The following PTPRG variants were observed in gnomAD, a reference collection of about 807,000 sequenced individuals.
PTPRG encodes receptor-type tyrosine-protein phosphatase gamma.
PTPRG carries 102 observed loss-of-function variants against 165.3 expected under a neutral mutation model. The ratio of observed to expected loss-of-function variants is 0.62; its 90% CI spans 0.53 to 0.73. PTPRG has a LOEUF of 0.73. Among genes scored for constraint, PTPRG ranks in the 30% least tolerant of loss-of-function variants. The pLI is 0.00. For synonymous variants in PTPRG, 675 were observed against 669.5 expected (o/e 1.01, Z -0.13); for missense variants, 1,866 against 1,861.4 (o/e 1.00, Z -0.05).
In PTPRG at chr3:61,885,779, A is replaced by C. The variant is rs550530234; in HGVS notation, c.191-103846A>C. Reference sequence around the variant, plus strand: ...GCTCTCTAGGGACTTGAACTCCTGGACTCAAGTGCAGTTCCCGCCTCAGCT... The same window carrying C: ...GCTCTCTAGGGACTTGAACTCCTGGCCTCAAGTGCAGTTCCCGCCTCAGCT... On this transcript the variant is annotated intron_variant, in intron 2 of 29. Coordinates refer to ENST00000474889, the MANE Select transcript of PTPRG (RefSeq NM_002841.4). Among the ~76,000 whole-genome samples, 108 of 137,912 alleles carry C rather than the reference A, an allele frequency of 7.8e-4. 1 individual carries two copies. The highest frequency in any genetic ancestry group is 2.9e-3 in the African/African-American group (104 of 36,482). The allele number at this position is 137,912 out of a possible 152,430, so 90.5% of individuals were successfully genotyped here.
intron 4 of PTPRG, among the ~76,000 whole-genome samples, chr3:62,021,204 A>C (rs2041681420): frequency 6.6e-6 from 1 of 152,170 alleles, no homozygotes; most frequent in Non-Finnish European, 1.5e-5. Flanking sequence ...GTGATTGATA[A>C]ATTTTTGCTT....
At position 61,562,006 on chromosome 3, in the gene PTPRG, C is replaced by T. The variant is rs1234017497; in HGVS notation, c.-282C>T. On this transcript the variant is annotated 5_prime_UTR_variant, in exon 1 of 30. Transcript: ENST00000474889. Reference sequence around the variant, plus strand: ...CGCCGCCGGCCGCCGACTCCGCGCCCTGCCCGATCGGCTCTCTCCTTTTTA... The same window carrying T: ...CGCCGCCGGCCGCCGACTCCGCGCCTTGCCCGATCGGCTCTCTCCTTTTTA... 1 of 306,174 alleles carries T rather than the reference C, an allele frequency of 3.3e-6. No individual in the cohort carries two copies. Among genetic ancestry groups the T allele is most frequent in the Non-Finnish European group, 6.0e-6 (1 of 167,616 alleles). The allele number at this position is 306,174 out of a possible 1,614,324, so 19.0% of individuals were successfully genotyped here. A position where few individuals can be genotyped will look rare whatever the true frequency, so the allele number is the denominator to read the frequency against.
At chr3:61,629,397 G>A (rs552606776) in intron 1 of PTPRG, among the ~76,000 whole-genome samples, 3 of 152,024 alleles carry the variant, frequency 2.0e-5, no homozygotes, top group Admixed American at 6.6e-5. Context: ...CTTGTGATCC[G>A]CCTGCCTTGG....
intron 12 of PTPRG, among the ~76,000 whole-genome samples, chr3:62,204,828 T>A (rs1700187496): frequency 6.6e-6 from 1 of 152,204 alleles, no homozygotes; most frequent in Non-Finnish European, 1.5e-5. Flanking sequence ...TTTGTTGCTC[T>A]ATCATATGCT....
In PTPRG at chr3:62,003,506, A is replaced by T; in HGVS notation, c.519+9A>T. Reference sequence around the variant, plus strand: ...GGAGGTTTCCTGTTGAGGTGAGAGAAAGTCAAGATCTCAACGTGTAGCTGT... The same window carrying T: ...GGAGGTTTCCTGTTGAGGTGAGAGATAGTCAAGATCTCAACGTGTAGCTGT... On this transcript the variant is annotated intron_variant, in intron 4 of 29. Coordinates refer to ENST00000474889, the MANE Select transcript of PTPRG (RefSeq NM_002841.4). The T allele has an allele frequency of 6.2e-7, 1 of 1,613,498 alleles. No homozygotes were observed. Among genetic ancestry groups the T allele is most frequent in the Non-Finnish European group, 8.5e-7 (1 of 1,179,740 alleles).
chr3:61,748,503 T>G (rs1428867081), intron 1 of PTPRG, among the ~76,000 whole-genome samples: 1 of 152,208 alleles, frequency 6.6e-6, no homozygotes, highest in African/African-American at 2.4e-5. Context: ...TGTATGACCT[T>G]GGTCAAGTTA....
chr3:61,920,470 A>G (rs2039051437), intron 2 of PTPRG, among the ~76,000 whole-genome samples: 1 of 152,156 alleles, frequency 6.6e-6, no homozygotes, highest in Non-Finnish European at 1.5e-5. Flanking sequence ...ATCTCGGCTC[A>G]CTGCAAACTC....
intron 2 of PTPRG, among the ~76,000 whole-genome samples, chr3:61,780,786 T>G (rs1376479306): frequency 6.6e-6 from 1 of 152,246 alleles, no homozygotes; most frequent in Non-Finnish European, 1.5e-5. Flanking sequence ...AACTTAATTC[T>G]TAGGCACTCC....
chr3:62,231,170 C>T, intron 13 of PTPRG, 55 bp from the exon 14 acceptor site: 2 of 1,337,480 alleles, frequency 1.5e-6, no homozygotes, highest in Non-Finnish European at 2.0e-6. Context: ...CTCTTGGTGG[C>T]CAATTGAAAA....
chr3:61,588,328 T>C (rs1280807086), intron 1 of PTPRG, among the ~76,000 whole-genome samples: 24 of 152,130 alleles, frequency 1.6e-4, no homozygotes, highest in Non-Finnish European at 8.8e-5. Flanking sequence ...TGTACTCTTA[T>C]ACTGATGTTA....
intron 2 of PTPRG, among the ~76,000 whole-genome samples, chr3:61,751,294 A>G (rs2033421337): frequency 6.6e-6 from 1 of 152,196 alleles, no homozygotes; most frequent in Non-Finnish European, 1.5e-5. Context: ...AACCACAGCA[A>G]ATGAGATGTG....
rs1700824140 is a variant in PTPRG at position 61,600,202 on chromosome 3, G to A, written c.85+37830G>A. Among the ~76,000 whole-genome samples, 10 of 149,598 alleles carry A rather than the reference G, an allele frequency of 6.7e-5. 1 individual carries two copies. In the South Asian group the frequency reaches 1.3e-3, roughly 19 times the overall value. ...TATATATATATATATATGTGTGTGT[G>A]TGTGTGTGTGTGTGTAAAATAGAAT... On this transcript the variant is annotated intron_variant, in intron 1 of 29. Coordinates refer to ENST00000474889, the MANE Select transcript of PTPRG (RefSeq NM_002841.4).
chr3:61,871,202 TA>T (rs2037570862), intron 2 of PTPRG, among the ~76,000 whole-genome samples: 1 of 150,496 alleles, frequency 6.6e-6, no homozygotes, highest in Non-Finnish European at 1.5e-5. Context: ...TATGTTATGT[TA>T]TGTTATGTTA....
intron 2 of PTPRG, among the ~76,000 whole-genome samples, chr3:61,975,107 A>AT (rs1325359888): frequency 2.0e-5 from 3 of 152,180 alleles, no homozygotes; most frequent in African/African-American, 7.2e-5. Context: ...TGAGGGTAGT[A>AT]TTGTCAGGAG....
chr3:62,281,069 C>T (rs1041130214), intron 26 of PTPRG, among the ~76,000 whole-genome samples: 1 of 151,944 alleles, frequency 6.6e-6, no homozygotes, highest in East Asian at 1.9e-4. Context: ...TTATAGTAAC[C>T]TTTTTACTAT....
At chr3:61,945,469 G>A (rs529261396) in intron 2 of PTPRG, among the ~76,000 whole-genome samples, 14 of 139,552 alleles carry the variant, frequency 1.0e-4, no homozygotes, top group Non-Finnish European at 1.7e-4. Flanking sequence ...TGCGGCAGGA[G>A]AATTGCTTGA....
chr3:61,690,568 A>G lies in PTPRG; in HGVS notation c.86-58310A>G, dbSNP rs114317747. 1.0e-3 allele frequency among the ~76,000 whole-genome samples: 154 copies of G among 152,302 alleles called. 1 individual carries two copies. Among genetic ancestry groups the G allele is most frequent in the African/African-American group, 3.6e-3 (148 of 41,560 alleles). Reference sequence around the variant, plus strand: ...CTAACTGTTTAAGCTTAAGTCACTAAAACACTCATTGTGTTTTTGCTCTGA... The same window carrying G: ...CTAACTGTTTAAGCTTAAGTCACTAGAACACTCATTGTGTTTTTGCTCTGA... On this transcript the variant is annotated intron_variant, in intron 1 of 29. Transcript: ENST00000474889.
chr3:62,276,876 AGGATATG>A, intron 24 of PTPRG, 89 bp from the exon 25 acceptor site: 1 of 877,410 alleles, frequency 1.1e-6, no homozygotes, highest in African/African-American at 1.7e-5. Context: ...GGAAGCCAGG[AGGATATG>A]TTATTCATCA....
At chr3:61,938,382 C>G (rs895307950) in intron 2 of PTPRG, among the ~76,000 whole-genome samples, 1 of 152,012 alleles carries the variant, frequency 6.6e-6, no homozygotes, top group African/African-American at 2.4e-5. Context: ...AAATTAGTAA[C>G]TTTCTGATCT....
Sources: gnomAD v4.1 joint callset for allele counts (sites outside exome capture counted in the v4.1 genomes callset) on GRCh38, gnomAD v4.1.1 for gene constraint, MANE v1.5 for transcripts, NCBI Gene and HGNC (gene_info 2026-07-23, HGNC 2026-07-21) for gene names.